The following SOX5 variants were observed in gnomAD, a reference collection of about 807,000 sequenced individuals.
The protein encoded by SOX5 is transcription factor SOX-5.
Under a neutral mutation model 92.0 loss-of-function variants are expected in SOX5, and 9 were observed. That is an observed-to-expected ratio of 0.10 (90% CI 0.06 to 0.17). The LOEUF is 0.17. Among genes scored for constraint, SOX5 ranks in the 10% least tolerant of loss-of-function variants. The pLI is 1.00. For missense variants in SOX5, 642 were observed against 944.5 expected (o/e 0.68, Z 4.20); for synonymous variants, 344 against 336.3 (o/e 1.02, Z -0.25).
rs939899133 is a variant in SOX5, at chr12:23,533,770, A to C, written c.*449T>G. 1.3e-5 allele frequency: 2 copies of C among 152,942 alleles called. No homozygotes were observed. The highest frequency in any genetic ancestry group is 1.3e-4 in the Admixed American group (2 of 15,298). 9.5% of individuals were successfully genotyped at this position (152,942 alleles called of 1,614,324 possible). A position where few individuals can be genotyped will look rare whatever the true frequency, so the allele number is the denominator to read the frequency against. The stretch of plus-strand genomic sequence containing the variant: ...GAAAAGGAAAAAACCCAGAAACCCC[A>C]AAAAACAAAACAAAACTTTTTTCTT... On this transcript the variant is annotated 3_prime_UTR_variant, in exon 15 of 15. Coordinates refer to ENST00000451604, the MANE Select transcript of SOX5 (RefSeq NM_006940.6).
intron 2 of SOX5, among the ~76,000 whole-genome samples, chr12:24,335,025 T>C (rs1190553499): frequency 6.6e-6 from 1 of 152,106 alleles, no homozygotes; most frequent in Non-Finnish European, 1.5e-5. Flanking sequence ...TTGTCTGAAA[T>C]ATGAAAATAG....
intron 2 of SOX5, among the ~76,000 whole-genome samples, chr12:24,295,696 G>C (rs1253846936): frequency 6.6e-6 from 1 of 152,080 alleles, no homozygotes; most frequent in Non-Finnish European, 1.5e-5. Context: ...CTCCTGATCA[G>C]CTGGGATTAC....
intron 4 of SOX5, among the ~76,000 whole-genome samples, chr12:24,169,938 C>A (rs907359187): frequency 1.3e-5 from 2 of 152,154 alleles, no homozygotes; most frequent in Admixed American, 1.3e-4. Flanking sequence ...GGAATGAATT[C>A]GTTAGGTGTA....
intron 4 of SOX5, among the ~76,000 whole-genome samples, chr12:24,018,841 T>C (rs1192560442): frequency 6.6e-6 from 1 of 152,142 alleles, no homozygotes; most frequent in Non-Finnish European, 1.5e-5. Flanking sequence ...AGCTATAACC[T>C]GGCATGAGGT....
In SOX5 at chr12:24,426,013, C is replaced by T. The variant is rs112362328; in HGVS notation, c.-250-57374G>A. On this transcript the variant is annotated intron_variant, in intron 1 of 4. Transcript: ENST00000446891. ...GAAACACTACCAAGGAATGGTCAAC[C>T]GAAAAAAACAAAAGAGCAATAATTA... Among the ~76,000 whole-genome samples the T allele has an allele frequency of 3.2e-3, 480 of 151,836 alleles. 3 individuals carry two copies. Among genetic ancestry groups the T allele is most frequent in the African/African-American group, 0.011 (453 of 41,420 alleles).
At chr12:24,006,228 A>G (rs1002243569) in intron 4 of SOX5, among the ~76,000 whole-genome samples, 1 of 152,184 alleles carries the variant, frequency 6.6e-6, no homozygotes, top group African/African-American at 2.4e-5. Flanking sequence ...AAGAATATTA[A>G]AATACAAAGT....
intron 1 of SOX5, among the ~76,000 whole-genome samples, chr12:24,414,564 G>A (rs1347015675): frequency 6.6e-6 from 1 of 152,198 alleles, no homozygotes; most frequent in Non-Finnish European, 1.5e-5. Context: ...ATAAAGCATC[G>A]TTAAGCATCA....
At chr12:24,289,578 C>A (rs1946371403) in intron 2 of SOX5, among the ~76,000 whole-genome samples, 1 of 141,334 alleles carries the variant, frequency 7.1e-6, no homozygotes, top group Non-Finnish European at 1.5e-5. Context: ...CTCAGCCTCC[C>A]AAGTAGCTGG....
intron 3 of SOX5, among the ~76,000 whole-genome samples, chr12:23,781,134 T>C (rs141302335): frequency 1.0e-3 from 159 of 152,180 alleles, no homozygotes; most frequent in African/African-American, 3.6e-3. Flanking sequence ...ACAGTCCCCA[T>C]ATTTTGGAAA....
chr12:23,860,479 G>A (rs746458913), intron 2 of SOX5, among the ~76,000 whole-genome samples: 30 of 152,260 alleles, frequency 2.0e-4, no homozygotes, highest in Middle Eastern at 6.8e-3. Context: ...AGATTTGTTA[G>A]CAAACAGAGA....
intron 4 of SOX5, among the ~76,000 whole-genome samples, chr12:24,206,422 C>A (rs964028363): frequency 6.6e-6 from 1 of 152,150 alleles, no homozygotes; most frequent in Admixed American, 6.5e-5. Flanking sequence ...AGTCCAGACA[C>A]TTAAGAGCCA....
intron 3 of SOX5, chr12:23,762,509 T>C (rs911360349): frequency 4.4e-6 from 2 of 452,632 alleles, no homozygotes; most frequent in African/African-American, 4.1e-5. Context: ...TTATATGTGA[T>C]TGTCCTGAAG....
intron 3 of SOX5, among the ~76,000 whole-genome samples, chr12:24,258,878 A>T (rs1210954511): frequency 6.6e-6 from 1 of 152,218 alleles, no homozygotes; most frequent in African/African-American, 2.4e-5. Context: ...TGGAAAAACT[A>T]AGCAACAAGT....
chr12:23,853,843 C>T (rs773262911), intron 2 of SOX5, among the ~76,000 whole-genome samples: 2 of 152,006 alleles, frequency 1.3e-5, no homozygotes, highest in South Asian at 2.1e-4. Flanking sequence ...CACTTTAAAA[C>T]GTTTGATGAT....
intron 1 of SOX5, among the ~76,000 whole-genome samples, chr12:24,489,693 T>C (rs1946860764): frequency 6.6e-6 from 1 of 152,198 alleles, no homozygotes; most frequent in Admixed American, 6.5e-5. Flanking sequence ...CCATCTTCAG[T>C]TACATCTATC....
At chr12:23,981,175 A>G (rs1949537215) in intron 4 of SOX5, among the ~76,000 whole-genome samples, 1 of 152,082 alleles carries the variant, frequency 6.6e-6, no homozygotes, top group South Asian at 2.1e-4. Context: ...CTAATTCCAC[A>G]AGCTACATAC....
At chr12:24,401,593 TCTG>T (rs1172111684) in intron 1 of SOX5, among the ~76,000 whole-genome samples, 1 of 151,112 alleles carries the variant, frequency 6.6e-6, no homozygotes, top group Non-Finnish European at 1.5e-5. Context: ...GCCTGTAGTC[TCTG>T]CTACTGGGGA....
At chr12:23,585,069 T>C (rs1950537732) in intron 9 of SOX5, among the ~76,000 whole-genome samples, 1 of 152,156 alleles carries the variant, frequency 6.6e-6, no homozygotes, top group Non-Finnish European at 1.5e-5. Context: ...CGATAAATTC[T>C]AAGTTTTTCC....
intron 4 of SOX5, among the ~76,000 whole-genome samples, chr12:24,070,090 G>A (rs948325768): frequency 2.6e-5 from 4 of 152,056 alleles, no homozygotes; most frequent in Admixed American, 6.6e-5. Flanking sequence ...TGAGTTTGCC[G>A]CAACAACACT....
Sources: gnomAD v4.1 joint callset for allele counts (sites outside exome capture counted in the v4.1 genomes callset) on GRCh38, gnomAD v4.1.1 for gene constraint, MANE v1.5 for transcripts, NCBI Gene and HGNC (gene_info 2026-07-23, HGNC 2026-07-21) for gene names.